Variants in SPATA17 observed in about 807,000 individuals in gnomAD.
SPATA17 encodes spermatogenesis associated 17.
In SPATA17, 53 loss-of-function variants were observed where a neutral mutation model predicts 62.2. The ratio of observed to expected loss-of-function variants is 0.85; its 90% CI spans 0.68 to 1.07. The LOEUF is 1.07. Among genes scored for constraint, SPATA17 ranks in the 50% least tolerant of loss-of-function variants. The pLI, the probability that SPATA17 is intolerant of heterozygous loss-of-function variation, is 0.00. For missense variants in SPATA17, 466 were observed against 425.5 expected, an observed-to-expected ratio of 1.10 and a Z score of -0.84; for synonymous variants, 146 against 146.8, an observed-to-expected ratio of 0.99 and a Z score of 0.04.
chr1:217,826,159 C>T (rs1054360293), intron 9 of SPATA17, among the ~76,000 whole-genome samples: 1 of 152,100 alleles, frequency 6.6e-6, no homozygotes, highest in Non-Finnish European at 1.5e-5. Flanking sequence ...GGTGAGGTCT[C>T]TCTTCCCCGA....
At chr1:217,734,957 C>T (rs1672480305) in intron 5 of SPATA17, among the ~76,000 whole-genome samples, 1 of 152,124 alleles carries the variant, frequency 6.6e-6, no homozygotes, top group African/African-American at 2.4e-5. Context: ...ACCCACTAAC[C>T]TAGGCAAAGA....
intron 2 of SPATA17, among the ~76,000 whole-genome samples, chr1:217,650,623 CGT>C (rs1476919868): frequency 6.6e-6 from 1 of 152,060 alleles, no homozygotes; most frequent in African/African-American, 2.4e-5. Flanking sequence ...GCGGTTTCAC[CGT>C]GTTGGCCAGG....
intron 1 of SPATA17, among the ~76,000 whole-genome samples, chr1:217,637,758 A>AT (rs959768935): frequency 5.3e-5 from 8 of 152,038 alleles, no homozygotes; most frequent in Admixed American, 2.6e-4. Context: ...TAATTACTGA[A>AT]TTTTTTCTTA....
intron 6 of SPATA17, among the ~76,000 whole-genome samples, chr1:217,745,962 G>A (rs532960401): frequency 1.3e-5 from 2 of 152,154 alleles, no homozygotes; most frequent in Non-Finnish European, 2.9e-5. Context: ...ATTTCAATCT[G>A]AGTGTTGTTA....
Position 217,871,029 on chromosome 1 carries a change from G to A in SPATA17, c.*4010G>A, listed in dbSNP as rs1199778315. On this transcript the variant is annotated 3_prime_UTR_variant, in exon 11 of 11. Coordinates refer to ENST00000366933, the MANE Select transcript of SPATA17 (RefSeq NM_138796.4). ...TTGTCATTTGAATGCGTGCATTGTG[G>A]CCTGTTACTTTTAACTAGTCTCACT... The A allele has an allele frequency of 6.6e-6, 1 of 152,086 alleles. No individual in the cohort carries two copies. Among genetic ancestry groups the A allele is most frequent in the Non-Finnish European group, 1.5e-5 (1 of 67,988 alleles). The allele number at this position is 152,086 out of a possible 1,614,324, so 9.4% of individuals were successfully genotyped here.
At chr1:217,729,018 C>A (rs115778840) in intron 5 of SPATA17, among the ~76,000 whole-genome samples, 1,606 of 152,260 alleles carry the variant, frequency 0.011, 31 homozygotes, top group Non-Finnish European at 0.01. Flanking sequence ...CATCACTTGT[C>A]AGGAAGGCAC....
chr1:217,636,332 A>G (rs1186037419), intron 1 of SPATA17, among the ~76,000 whole-genome samples: 1 of 152,194 alleles, frequency 6.6e-6, no homozygotes, highest in Non-Finnish European at 1.5e-5. Flanking sequence ...TTGAGAAAAT[A>G]TATTCCTAAG....
intron 4 of SPATA17, among the ~76,000 whole-genome samples, chr1:217,679,437 G>A (rs1166453594): frequency 6.6e-6 from 1 of 152,150 alleles, no homozygotes; most frequent in Non-Finnish European, 1.5e-5. Context: ...CATTCATGGA[G>A]CTCAATAAAT....
chr1:217,714,763 G>A (rs1671962890), intron 5 of SPATA17, among the ~76,000 whole-genome samples: 2 of 151,974 alleles, frequency 1.3e-5, no homozygotes, highest in South Asian at 4.1e-4. Flanking sequence ...GGGATTACAG[G>A]CGTGAGCCAC....
At chr1:217,835,899 A>C (rs1366627532) in intron 9 of SPATA17, among the ~76,000 whole-genome samples, 2 of 152,082 alleles carry the variant, frequency 1.3e-5, no homozygotes, top group Non-Finnish European at 2.9e-5. Flanking sequence ...CCATGGCTCC[A>C]CCTGGACCCA....
At chr1:217,842,004 GT>G (rs1675416361) in intron 9 of SPATA17, among the ~76,000 whole-genome samples, 1 of 151,248 alleles carries the variant, frequency 6.6e-6, no homozygotes, top group Non-Finnish European at 1.5e-5. Context: ...CTATGTTTTT[GT>G]TTTGCTAGGA....
At chr1:217,782,087 C>A in intron 7 of SPATA17, 87 bp from the exon 8 acceptor site, 1 of 1,317,168 alleles carries the variant, frequency 7.6e-7, no homozygotes, top group Non-Finnish European at 1.0e-6. Flanking sequence ...ACCTGCTATA[C>A]TTTGTAGATG....
Position 217,757,342 on chromosome 1 carries a change from T to G in SPATA17, c.519+15244T>G, listed in dbSNP as rs190526410. Among the ~76,000 whole-genome samples, 15 of 152,290 alleles carry G rather than the reference T, an allele frequency of 9.8e-5. No individual in the cohort carries two copies. The East Asian group carries it at 2.9e-3, about 29-fold the overall frequency. On this transcript the variant is annotated intron_variant, in intron 6 of 10. Transcript: ENST00000366933. ...GTTTACATCTGAGTCAATAATGAGC[T>G]TGCTTCTATTTAGTTCCATCATTAA...
At chr1:217,705,022 C>T (rs2102922287) in intron 5 of SPATA17, among the ~76,000 whole-genome samples, 1 of 152,308 alleles carries the variant, frequency 6.6e-6, no homozygotes, top group African/African-American at 2.4e-5. Flanking sequence ...TTCCCACCAG[C>T]AGTGTATAAG....
chr1:217,785,638 T>C (rs1393518438), intron 8 of SPATA17, among the ~76,000 whole-genome samples: 2 of 152,156 alleles, frequency 1.3e-5, no homozygotes, highest in Non-Finnish European at 2.9e-5. Flanking sequence ...AGTCAAACTA[T>C]ATCAGACCCT....
At chr1:217,740,116 A>C (rs144727264) in intron 5 of SPATA17, among the ~76,000 whole-genome samples, 7 of 129,122 alleles carry the variant, frequency 5.4e-5, no homozygotes, top group African/African-American at 1.8e-4. Context: ...TTCTATGTAC[A>C]TCTTTGTACC....
intron 5 of SPATA17, among the ~76,000 whole-genome samples, chr1:217,685,823 A>C (rs1240470245): frequency 6.6e-6 from 1 of 152,188 alleles, no homozygotes; most frequent in African/African-American, 2.4e-5. Flanking sequence ...CTGCACTTTC[A>C]GTTATTCACA....
intron 4 of SPATA17, among the ~76,000 whole-genome samples, chr1:217,671,670 C>G (rs1387524637): frequency 6.6e-6 from 1 of 151,970 alleles, no homozygotes; most frequent in Non-Finnish European, 1.5e-5. Context: ...CTTTTCTCTC[C>G]AAAACAACAT....
chr1:217,836,365 C>T (rs1675259353), intron 9 of SPATA17, among the ~76,000 whole-genome samples: 1 of 152,050 alleles, frequency 6.6e-6, no homozygotes, highest in Admixed American at 6.6e-5. Context: ...AATAAGAAAA[C>T]AGCCTATATA....
Sources: allele counts gnomAD v4.1 joint callset (sites outside exome capture counted in the v4.1 genomes callset), GRCh38; gene constraint gnomAD v4.1.1; transcripts MANE v1.5; gene names NCBI Gene and HGNC (gene_info 2026-07-23, HGNC 2026-07-21).